PDE1C: variants seen among roughly 807,000 people sequenced by gnomAD.
The protein encoded by PDE1C is phosphodiesterase 1C.
In PDE1C, 62 loss-of-function variants were observed where a neutral mutation model predicts 93.1. The ratio of observed to expected loss-of-function variants is 0.67; its 90% CI spans 0.54 to 0.82. The LOEUF is 0.82. PDE1C is among the 40% of genes least tolerant of loss of function. The probability of loss-of-function intolerance (pLI) is 0.00; values close to 1 mark genes in which losing one functional copy is unlikely to be tolerated. For synonymous variants in PDE1C, 325 were observed against 310.1 expected (o/e 1.05, Z -0.50); for missense variants, 742 against 884.6 (o/e 0.84, Z 2.04).
chr7:31,673,643 T>G, the PDE1C span, among the ~76,000 whole-genome samples: 1 of 152,136 alleles, frequency 6.6e-6, no homozygotes, highest in Non-Finnish European at 1.5e-5. Context: ...AATTTTATGG[T>G]GCTACTTTTT....
rs527515679 is a variant in PDE1C at position 32,327,297 on chromosome 7, A to G, written c.310+100525T>C. On this transcript the variant is annotated intron_variant, in intron 1 of 1. Transcript: ENST00000672256. ...CATAGAGAAAAGTCCCCAAATCGTA[A>G]GTATACAACTTGATCCATTTTCATA... Among the ~76,000 whole-genome samples, 6 of 152,300 alleles carry G rather than the reference A, an allele frequency of 3.9e-5. No individual in the cohort carries two copies. In the East Asian group the frequency reaches 9.6e-4, roughly 24 times the overall value.
At chr7:32,197,017 G>A (rs1309746490) in intron 2 of PDE1C, among the ~76,000 whole-genome samples, 5 of 152,118 alleles carry the variant, frequency 3.3e-5, no homozygotes, top group East Asian at 3.8e-4. Context: ...TAACACTTTA[G>A]GGGTTTCTAT....
intron 1 of PDE1C, among the ~76,000 whole-genome samples, chr7:32,068,768 GAGA>G (rs1368912737): frequency 3.9e-5 from 6 of 152,316 alleles, no homozygotes; most frequent in South Asian, 2.1e-4. Context: ...AGCAGTCCAA[GAGA>G]AGAAGTTCCT....
intron 3 of PDE1C, among the ~76,000 whole-genome samples, chr7:32,150,460 G>T (rs1801173098): frequency 1.3e-5 from 2 of 152,146 alleles, no homozygotes; most frequent in Non-Finnish European, 2.9e-5. Flanking sequence ...TTTCCCTAGG[G>T]TGCATTGGGG....
intron 2 of PDE1C, among the ~76,000 whole-genome samples, chr7:31,967,469 T>C (rs1023068450): frequency 7.2e-5 from 11 of 152,174 alleles, no homozygotes; most frequent in Non-Finnish European, 1.3e-4. Flanking sequence ...CAATAATTAA[T>C]AGCTCACCAA....
chr7:32,268,657 A>C (rs1810768428), intron 1 of PDE1C, among the ~76,000 whole-genome samples: 1 of 152,190 alleles, frequency 6.6e-6, no homozygotes, highest in Non-Finnish European at 1.5e-5. Context: ...GAAATTCATT[A>C]GGTTGTTTTT....
the PDE1C span, among the ~76,000 whole-genome samples, chr7:31,692,886 T>C: frequency 6.6e-6 from 1 of 152,218 alleles, no homozygotes; most frequent in African/African-American, 2.4e-5. Context: ...TTATACCCCA[T>C]GTGCAGTGCC....
chr7:31,735,741 G>A, the PDE1C span, among the ~76,000 whole-genome samples: 8 of 152,312 alleles, frequency 5.3e-5, no homozygotes, highest in East Asian at 1.4e-3. Flanking sequence ...TTTTGGGTCT[G>A]TGGCTCTAGG....
chr7:32,324,663 G>A (rs1257437538), intron 1 of PDE1C, among the ~76,000 whole-genome samples: 1 of 152,228 alleles, frequency 6.6e-6, no homozygotes, highest in Non-Finnish European at 1.5e-5. Context: ...AGATGCTGAT[G>A]CAAGGTTGGG....
chr7:32,410,216 C>T (rs1193388883), intron 1 of PDE1C, among the ~76,000 whole-genome samples: 1 of 152,056 alleles, frequency 6.6e-6, no homozygotes, highest in African/African-American at 2.4e-5. Flanking sequence ...ACCTGTAGTC[C>T]TAGCTACTCA....
Position 31,825,781 on chromosome 7 carries a change from C to T in PDE1C, c.1286-794G>A, listed in dbSNP as rs117747857. On this transcript the variant is annotated intron_variant, in intron 12 of 17. Coordinates refer to ENST00000396191, the MANE Select transcript of PDE1C (RefSeq NM_001191057.4). ...ACCTGCACAGCAGGAGGTGGTACTG[C>T]CTCTGTATGGGATCTGCCAAAGACA... 5.1e-3 allele frequency among the ~76,000 whole-genome samples: 779 copies of T among 152,136 alleles called. 2 individuals carry two copies. Among genetic ancestry groups the T allele is most frequent in the Non-Finnish European group, 8.3e-3 (566 of 67,990 alleles).
At chr7:31,972,723 C>T (rs1006360578) in intron 2 of PDE1C, among the ~76,000 whole-genome samples, 1 of 152,090 alleles carries the variant, frequency 6.6e-6, no homozygotes, top group Non-Finnish European at 1.5e-5. Flanking sequence ...CAAGGAGCAG[C>T]ACAGCAACCT....
At chr7:31,643,905 G>A in the PDE1C span, 1 of 1,613,818 alleles carries the variant, frequency 6.2e-7, no homozygotes, top group Admixed American at 1.7e-5. Flanking sequence ...CCCAGTTCAT[G>A]ACGACTTTGA....
chr7:31,734,316 A>G, the PDE1C span, among the ~76,000 whole-genome samples: 1 of 152,134 alleles, frequency 6.6e-6, no homozygotes, highest in African/African-American at 2.4e-5. Flanking sequence ...CTCTTTCATC[A>G]GAAAAGGGGC....
chr7:31,730,223 T>C, the PDE1C span, among the ~76,000 whole-genome samples: 1 of 152,144 alleles, frequency 6.6e-6, no homozygotes, highest in Non-Finnish European at 1.5e-5. Flanking sequence ...GATACTGTGT[T>C]GCACAAACCT....
rs796122014 is a variant in PDE1C, at chr7:32,341,173, C to CTATTTTTTTTTTTTTTT, written c.310+86648_310+86649insAAAAAAAAAAAAAAATA. Among the ~76,000 whole-genome samples, 33 of 84,952 alleles carry CTATTTTTTTTTTTTTTT rather than the reference C, an allele frequency of 3.9e-4. 1 individual carries two copies. The highest frequency in any genetic ancestry group is 1.3e-3 in the African/African-American group (30 of 23,016). 55.7% of individuals were successfully genotyped at this position (84,952 alleles called of 152,430 possible). ...CCTAAAACTACTCTAGAAATAAAGT[C>CTATTTTTTTTTTTTTTT]TTTTTTTTTTTTTTTTTTTTGAGAC... On this transcript the variant is annotated intron_variant, in intron 1 of 1. Transcript: ENST00000672256.
chr7:31,904,147 G>A (rs1214628164), intron 2 of PDE1C, among the ~76,000 whole-genome samples: 2 of 152,086 alleles, frequency 1.3e-5, no homozygotes, highest in African/African-American at 4.8e-5. Flanking sequence ...AGAACAGAGA[G>A]TGCTATATGC....
chr7:31,896,020 T>TACATACATACATACAG (rs1466998669), intron 2 of PDE1C, among the ~76,000 whole-genome samples: 1 of 151,274 alleles, frequency 6.6e-6, no homozygotes, highest in Non-Finnish European at 1.5e-5. Flanking sequence ...CATACATACA[T>TACATACATACATACAG]ACACACACAA....
chr7:32,068,028 G>A (rs1234925050), intron 1 of PDE1C, among the ~76,000 whole-genome samples: 3 of 152,152 alleles, frequency 2.0e-5, no homozygotes, highest in African/African-American at 4.8e-5. Flanking sequence ...AATAATCCAG[G>A]CGTGAGTTGA....
Sources: gnomAD v4.1 joint callset for allele counts (sites outside exome capture counted in the v4.1 genomes callset) on GRCh38, gnomAD v4.1.1 for gene constraint, MANE v1.5 for transcripts, NCBI Gene and HGNC (gene_info 2026-07-23, HGNC 2026-07-21) for gene names.